Variants in OGT observed in about 807,000 individuals in gnomAD.
The protein encoded by OGT is UDP-N-acetylglucosamine--peptide N-acetylglucosaminyltransferase 110 kDa subunit.
Under a neutral mutation model 75.8 loss-of-function variants are expected in OGT, and 3 were observed. That is an observed-to-expected ratio of 0.04 (90% CI 0.02 to 0.10). The LOEUF (loss-of-function observed/expected upper bound fraction) is 0.10, where lower values mean the gene tolerates loss of function less well. OGT is among the 10% of genes least tolerant of loss of function. OGT has a pLI of 1.00. For synonymous variants in OGT, 257 were observed against 289.7 expected (o/e 0.89, Z 1.15); for missense variants, 260 against 824.4 (o/e 0.32, Z 8.38).
chrX:71,571,354 C>T (rs2040456986), intron 21 of OGT, among the ~76,000 whole-genome samples: 1 of 112,032 alleles, frequency 8.9e-6, no homozygotes, highest in African/African-American at 3.2e-5. Context: ...GACATCAGTA[C>T]ACTTCTCCTT....
chrX:71,538,862 A>G (rs1377424327), intron 3 of OGT, among the ~76,000 whole-genome samples: 1 of 112,293 alleles, frequency 8.9e-6, no homozygotes. Context: ...GAAATGGCTA[A>G]TAGTTTATTT....
intron 5 of OGT, among the ~76,000 whole-genome samples, chrX:71,550,196 C>G (rs1176255542): frequency 9.0e-6 from 1 of 111,728 alleles, no homozygotes; most frequent in African/African-American, 3.3e-5. Context: ...TTTATACTTC[C>G]CCCATCAGTT....
At chrX:71,542,451 C>T in intron 3 of OGT, among the ~76,000 whole-genome samples, 1 of 111,900 alleles carries the variant, frequency 8.9e-6, no homozygotes, top group Non-Finnish European at 1.9e-5. Flanking sequence ...GTATTTTTAA[C>T]TATGAGCATT....
In OGT at chrX:71,556,761, C is replaced by A; in HGVS notation, c.1147C>A (p.His383Asn). Residue 383 changes from histidine (H) to asparagine (N), a missense_variant, in exon 9 of 22, where the codon CAT becomes AAT. Around this residue, in one of 6 missense-constraint regions of OGT, gnomAD observed 99 missense variants for 417.9 expected, o/e 0.24. Transcript: ENST00000373719. ...QQGKLQEALM[H>N]YKEAIRISPT... ...GGGAAAACTGCAGGAAGCTCTGATG[C>A]ATTATAAGGAGGCTATTCGGTAAGA... 1 of 1,183,631 alleles carries A rather than the reference C, an allele frequency of 8.4e-7. No individual in the cohort carries two copies. Among genetic ancestry groups the A allele is most frequent in the Non-Finnish European group, 1.1e-6 (1 of 876,169 alleles).
In OGT at chrX:71,556,490, A is replaced by G. The variant is rs1259469301; in HGVS notation, c.1066-190A>G. The G allele has an allele frequency of 1.0e-5, 4 of 381,363 alleles. No individual in the cohort carries two copies. In the East Asian group the frequency reaches 1.6e-4, roughly 16 times the overall value. 31.4% of individuals were successfully genotyped at this position (381,363 alleles called of 1,213,427 possible). On this transcript the variant is annotated intron_variant, in intron 8 of 21. Coordinates refer to ENST00000373719, the MANE Select transcript of OGT (RefSeq NM_181672.3). The stretch of plus-strand genomic sequence containing the variant: ...ACTAAGAGGAGAAGAGGTGTACCTC[A>G]TTATGTTTGAAACAAGAAGAGGTAT...
At chrX:71,551,681 C>A (rs2040305320) in intron 5 of OGT, among the ~76,000 whole-genome samples, 1 of 111,716 alleles carries the variant, frequency 9.0e-6, no homozygotes, top group South Asian at 3.7e-4. Context: ...AAACGAGATA[C>A]AATCAGGTAT....
chrX:71,571,083 G>A (rs1025329909), intron 21 of OGT, among the ~76,000 whole-genome samples: 5 of 109,747 alleles, frequency 4.6e-5, no homozygotes, highest in African/African-American at 1.0e-4. Context: ...TTACAGGCGC[G>A]TGAGACACTG....
chrX:71,538,639 T>G (rs1369576142), intron 3 of OGT, among the ~76,000 whole-genome samples: 3 of 112,217 alleles, frequency 2.7e-5, no homozygotes, highest in African/African-American at 9.7e-5. Context: ...GCAGATGTGT[T>G]CTGGGAACAA....
intron 3 of OGT, among the ~76,000 whole-genome samples, chrX:71,540,735 C>T (rs1287581885): frequency 2.8e-5 from 3 of 105,926 alleles, no homozygotes; most frequent in East Asian, 5.9e-4. Context: ...TGCAGTGGCG[C>T]GATCTCGGCT....
At chrX:71,563,706 C>T (rs145367267) in intron 18 of OGT, among the ~76,000 whole-genome samples, 7,418 of 111,786 alleles carry the variant, frequency 0.066, 290 homozygotes, top group Non-Finnish European at 0.1. Context: ...TACTGAGAAA[C>T]TGCTGTGTTA....
rs376605851 is a variant in OGT at position 71,555,134 on chromosome X, TTGTGTGTGTGTG to T, written c.729-22_729-11del. The T allele has an allele frequency of 5.8e-4, 307 of 533,432 alleles. 1 individual carries two copies. The highest frequency in any genetic ancestry group is 1.5e-3 in the South Asian group (35 of 23,299). 44.0% of individuals were successfully genotyped at this position (533,432 alleles called of 1,213,427 possible). A position where few individuals can be genotyped will look rare whatever the true frequency, so the allele number is the denominator to read the frequency against. ...CCATCCATTAAGCATGAGTTACATTTTGTGTGTGTGTGTGTGTGTGTGTGTGTGTGTGTGTGT... is the reference window on the plus strand; with the variant it reads ...CCATCCATTAAGCATGAGTTACATTTTGTGTGTGTGTGTGTGTGTGTGTGT... On this transcript the variant is annotated intron_variant, in intron 6 of 21. Transcript: ENST00000373719.
In OGT at chrX:71,557,066, A is replaced by C. The variant is rs34350994; in HGVS notation, c.1281A>C (p.Ala427=). The C allele has an allele frequency of 1.9e-3, 2,338 of 1,210,119 alleles. 27 individuals are homozygous for C. The African/African-American group carries it at 0.036, about 19-fold the overall frequency. The change falls in exon 10 of 22, where the codon GCA becomes GCC. Residue 427 remains alanine, a synonymous_variant. Transcript: ENST00000373719. The part of the protein sequence containing the change: ...CYTRAIQINP[A]FADAHSNLAS... Reference sequence around the variant, plus strand: ...CGCGTGCCATCCAAATTAATCCTGCATTTGCAGATGCACATAGCAATCTGG... The same window carrying C: ...CGCGTGCCATCCAAATTAATCCTGCCTTTGCAGATGCACATAGCAATCTGG...
At chrX:71,546,459 C>T (rs1230947152) in intron 4 of OGT, 6 of 752,351 alleles carry the variant, frequency 8.0e-6, no homozygotes, top group East Asian at 1.5e-4. Context: ...CAGCAAGGAA[C>T]GCACCGAAAA....
At chrX:71,571,982 G>A (rs1023320446) in intron 21 of OGT, among the ~76,000 whole-genome samples, 2 of 108,737 alleles carry the variant, frequency 1.8e-5, no homozygotes, top group Non-Finnish European at 3.8e-5. Flanking sequence ...TGTTAGCCAG[G>A]ATGGTCTTGA....
At position 71,553,415 on chromosome X, in the gene OGT, C is replaced by T. The variant is rs530009086; in HGVS notation, c.649-1098C>T. On this transcript the variant is annotated intron_variant, in intron 5 of 21. Coordinates refer to ENST00000373719, the MANE Select transcript of OGT (RefSeq NM_181672.3). ...AGCAGATGAAGTGTTCTTTATCAGTCTTTAATAAACATACAATTACTCAGT... is the reference window on the plus strand; with the variant it reads ...AGCAGATGAAGTGTTCTTTATCAGTTTTTAATAAACATACAATTACTCAGT... Among the ~76,000 whole-genome samples, 4 of 111,478 alleles carry T rather than the reference C, an allele frequency of 3.6e-5. No homozygotes were observed. In the South Asian group the frequency reaches 1.5e-3, roughly 42 times the overall value.
intron 5 of OGT, among the ~76,000 whole-genome samples, chrX:71,553,029 C>G (rs907077827): frequency 9.8e-5 from 11 of 112,152 alleles, no homozygotes; most frequent in African/African-American, 3.6e-4. Context: ...TATAGACAAT[C>G]TAAATTAAAT....
chrX:71,575,631 C>T lies in OGT; in HGVS notation c.*1837C>T, dbSNP rs1158059964. On this transcript the variant is annotated 3_prime_UTR_variant, in exon 22 of 22. Transcript: ENST00000373719. Reference sequence around the variant, plus strand: ...CTTACAGCCATTTTACATAGCACATCATTCCTCCTATAGGGATGAACTTTT... The same window carrying T: ...CTTACAGCCATTTTACATAGCACATTATTCCTCCTATAGGGATGAACTTTT... 2.7e-5 allele frequency: 3 copies of T among 112,608 alleles called. No homozygotes were observed. Among genetic ancestry groups the T allele is most frequent in the Non-Finnish European group, 5.6e-5 (3 of 53,296 alleles). 9.3% of individuals were successfully genotyped at this position (112,608 alleles called of 1,213,427 possible). A position where few individuals can be genotyped will look rare whatever the true frequency, so the allele number is the denominator to read the frequency against.
intron 21 of OGT, among the ~76,000 whole-genome samples, chrX:71,570,933 A>G (rs2040453962): frequency 9.4e-6 from 1 of 106,863 alleles, no homozygotes; most frequent in Admixed American, 1.0e-4. Context: ...AGCTGGGACT[A>G]CAGGCACATG....
intron 4 of OGT, chrX:71,545,664 A>G (rs2040254385): frequency 8.9e-6 from 1 of 112,296 alleles, no homozygotes; most frequent in Admixed American, 9.4e-5. Context: ...TTTCAGCACC[A>G]TCTAATGTTT....
Sources: gnomAD v4.1 joint callset for allele counts (sites outside exome capture counted in the v4.1 genomes callset) on GRCh38, gnomAD v4.1.1 for gene constraint, gnomAD v4.1.1 regional missense constraint, MANE v1.5 for transcripts, NCBI Gene and HGNC (gene_info 2026-07-23, HGNC 2026-07-21) for gene names.